The following VWF variants were observed in gnomAD, a reference collection of about 807,000 sequenced individuals.
VWF encodes von Willebrand factor, also known as Factor VIII related antigen.
Under a neutral mutation model 308.6 loss-of-function variants are expected in VWF, and 176 were observed. The observed-to-expected ratio is 0.57, with a 90% CI of 0.50 to 0.65. The LOEUF is 0.65. Among genes scored for constraint, VWF ranks in the 30% least tolerant of loss-of-function variants. The pLI, the probability that VWF is intolerant of heterozygous loss-of-function variation, is 0.00. For missense variants in VWF, 3,146 were observed against 3,648.2 expected (o/e 0.86, Z 3.55); for synonymous variants, 1,385 against 1,443.4 (o/e 0.96, Z 0.92).
rs957668257 is a variant in VWF at position 5,997,347 on chromosome 12, A to C, written c.5843-1125T>G. ...TCAAGGAGTCAGCCCAACTGCCATA[A>C]GGATGGAATAAATCACAAGGCAAAG... On this transcript the variant is annotated intron_variant, in intron 34 of 51. Transcript: ENST00000261405. Among the ~76,000 whole-genome samples the C allele has an allele frequency of 1.2e-4, 19 of 152,242 alleles. 1 individual carries two copies. The highest frequency in any genetic ancestry group is 4.3e-4 in the African/African-American group (18 of 41,466).
chr12:6,055,146 T>C (rs1025588426), intron 15 of VWF, among the ~76,000 whole-genome samples: 7 of 152,202 alleles, frequency 4.6e-5, no homozygotes, highest in South Asian at 2.1e-4. Flanking sequence ...CCATTTCCCC[T>C]GTTCTGTTCA....
chr12:6,062,898 G>A, intron 13 of VWF, 56 bp downstream of exon 13: 1 of 1,427,502 alleles, frequency 7.0e-7, no homozygotes, highest in Non-Finnish European at 9.7e-7. Context: ...CAGAGCACAA[G>A]GGGTACTTTG....
intron 44 of VWF, 43 bp downstream of exon 44, chr12:5,971,556 G>A (rs765351040): frequency 3.3e-6 from 5 of 1,504,944 alleles, no homozygotes; most frequent in South Asian, 2.2e-5. Context: ...CCCTGGAGTG[G>A]CCCCAATCTG....
At chr12:6,044,267 C>T in intron 18 of VWF, 24 bp downstream of exon 18, 3 of 1,613,682 alleles carry the variant, frequency 1.9e-6, no homozygotes, top group Non-Finnish European at 2.5e-6. Context: ...AGGGCAGGCA[C>T]CAGCTCTGTG....
chr12:6,115,554 A>G (rs900924319), intron 3 of VWF, among the ~76,000 whole-genome samples: 1 of 152,186 alleles, frequency 6.6e-6, no homozygotes. Flanking sequence ...ATGTTTTCTA[A>G]CCTTTTCTGT....
chr12:6,089,073 T>G (rs1945004179), intron 6 of VWF, among the ~76,000 whole-genome samples: 1 of 152,186 alleles, frequency 6.6e-6, no homozygotes, highest in African/African-American at 2.4e-5. Context: ...CAAAACACTC[T>G]GCCACCCCGA....
At position 6,075,703 on chromosome 12, in the gene VWF, C is replaced by A. The variant is rs1280107621; in HGVS notation, c.658-152G>T. ...CACATGCATGTGTTCAATGCACCAG[C>A]CCATCGACCAAGGAAAAGATGCTGG... On this transcript the variant is annotated intron_variant, in intron 6 of 51. Transcript: ENST00000261405. This position sits in a 1 kb window ranked among gnomAD's most constrained non-coding sequence, Gnocchi z 4.7. 4 of 824,268 alleles carry A rather than the reference C, an allele frequency of 4.9e-6. No individual in the cohort carries two copies. Among genetic ancestry groups the A allele is most frequent in the African/African-American group, 3.4e-5 (2 of 59,240 alleles). The allele number at this position is 824,268 out of a possible 1,614,324, so 51.1% of individuals were successfully genotyped here.
chr12:5,972,140 T>C (rs540815227), intron 43 of VWF, among the ~76,000 whole-genome samples: 1 of 152,192 alleles, frequency 6.6e-6, no homozygotes, highest in Non-Finnish European at 1.5e-5. Flanking sequence ...GAACACTCGA[T>C]CCCAATACTG....
intron 47 of VWF, among the ~76,000 whole-genome samples, chr12:5,964,274 G>GCATACATACATACATGCATA (rs59202475): frequency 7.4e-6 from 1 of 134,706 alleles, no homozygotes; most frequent in African/African-American, 3.1e-5. Flanking sequence ...ATACATACAT[G>GCATACATACATACATGCATA]CATACATACA....
chr12:6,097,722 G>T (rs1276694529), intron 5 of VWF, among the ~76,000 whole-genome samples: 3 of 152,214 alleles, frequency 2.0e-5, no homozygotes, highest in African/African-American at 7.2e-5. Context: ...CGAGTTTGTG[G>T]TAATGTGTTG....
intron 20 of VWF, among the ~76,000 whole-genome samples, chr12:6,032,307 A>C: frequency 6.8e-6 from 1 of 146,602 alleles, no homozygotes; most frequent in Non-Finnish European, 1.5e-5. Flanking sequence ...CAGCCTGGTG[A>C]CAGAGCGAGA....
intron 34 of VWF, among the ~76,000 whole-genome samples, chr12:6,009,261 A>G (rs947094904): frequency 2.0e-5 from 3 of 151,932 alleles, no homozygotes; most frequent in Admixed American, 6.6e-5. Flanking sequence ...AAATGCAAAT[A>G]ACCCAATTTA....
intron 34 of VWF, among the ~76,000 whole-genome samples, 176 bp downstream of exon 34, chr12:6,011,441 A>G (rs556509667): frequency 1.3e-5 from 2 of 152,274 alleles, no homozygotes; most frequent in South Asian, 2.1e-4. Flanking sequence ...GACTGGCTGC[A>G]TGCATGTCCA....
At chr12:6,112,775 G>A (rs1051354539) in intron 3 of VWF, among the ~76,000 whole-genome samples, 1 of 151,920 alleles carries the variant, frequency 6.6e-6, no homozygotes, top group Non-Finnish European at 1.5e-5. Context: ...CCCCAGCAGG[G>A]CTCTGGGCTG....
chr12:6,094,748 T>C (rs1445060285), intron 6 of VWF, among the ~76,000 whole-genome samples: 1 of 152,148 alleles, frequency 6.6e-6, no homozygotes, highest in East Asian at 1.9e-4. Context: ...AGTCTGGCTC[T>C]GTCACCCAGG....
intron 47 of VWF, among the ~76,000 whole-genome samples, chr12:5,966,953 C>T (rs1383198361): frequency 1.3e-5 from 2 of 152,186 alleles, no homozygotes; most frequent in African/African-American, 4.8e-5. Flanking sequence ...ACGAGGAGTC[C>T]ACCTCTCAGA....
At chr12:6,038,579 G>A (rs905149350) in intron 18 of VWF, among the ~76,000 whole-genome samples, 5 of 151,904 alleles carry the variant, frequency 3.3e-5, no homozygotes, top group Non-Finnish European at 5.9e-5. Context: ...CTCCTCCAGC[G>A]GACAGAACAC....
chr12:6,071,153 T>C (rs1024425959), intron 10 of VWF, 144 bp downstream of exon 10: 1 of 870,354 alleles, frequency 1.1e-6, no homozygotes, highest in Non-Finnish European at 1.9e-6. Flanking sequence ...AAACCAGAGC[T>C]GGGGTCACGT....
chr12:6,036,392 T>G lies in VWF; in HGVS notation c.2542A>C (p.Thr848Pro). 1.9e-6 allele frequency: 3 copies of G among 1,614,160 alleles called. No individual in the cohort carries two copies. The highest frequency in any genetic ancestry group is 2.5e-6 in the Non-Finnish European group (3 of 1,179,992). The change falls in exon 19 of 52, where the codon ACT (threonine) becomes CCT (proline). Residue 848 changes from threonine (T) to proline (P), a missense_variant. By Grantham distance (38) the Thr-to-Pro change is conservative (BLOSUM62 -1). Transcript: ENST00000261405. ...CAGCCCCTCACTGAGCCTCACCAAG[T>G]GTTGCAGCCAATCTTCACTGTTTCT... The part of the protein sequence containing the change: ...PGETVKIGCN[T>P]CVCQDRKWNC...
Sources: gnomAD v4.1 joint callset for allele counts (sites outside exome capture counted in the v4.1 genomes callset) on GRCh38, gnomAD v4.1.1 for gene constraint, Gnocchi (gnomAD v3.1) non-coding constraint, MANE v1.5 for transcripts, NCBI Gene and HGNC (gene_info 2026-07-23, HGNC 2026-07-21) for gene names.